The following SH3BGRL2 variants were observed in gnomAD, a reference collection of about 807,000 sequenced individuals.
The protein encoded by SH3BGRL2 is SH3 domain-binding glutamic acid-rich-like protein 2.
In SH3BGRL2, 21 loss-of-function variants were observed where a neutral mutation model predicts 14.8. The observed-to-expected ratio is 1.42, with a 90% CI of 1.01 to 2.05. SH3BGRL2 has a LOEUF of 2.05. Among genes scored for constraint, SH3BGRL2 ranks in the 30% most tolerant of loss-of-function variants. The pLI, the probability that SH3BGRL2 is intolerant of heterozygous loss-of-function variation, is 0.00. For missense variants in SH3BGRL2, 147 were observed against 130.8 expected (o/e 1.12, Z -0.61); for synonymous variants, 50 against 47.8 (o/e 1.05, Z -0.19).
the SH3BGRL2 span, among the ~76,000 whole-genome samples, chr6:79,555,730 G>C: frequency 1.3e-5 from 2 of 152,160 alleles, no homozygotes; most frequent in African/African-American, 4.8e-5. Flanking sequence ...GGATGGTCTC[G>C]ATCTCCTGAC....
At chr6:79,537,836 A>C in the SH3BGRL2 span, among the ~76,000 whole-genome samples, 1 of 152,124 alleles carries the variant, frequency 6.6e-6, no homozygotes, top group African/African-American at 2.4e-5. Context: ...ACAAACTGCT[A>C]GTGCTTCTGG....
the SH3BGRL2 span, among the ~76,000 whole-genome samples, chr6:79,580,361 A>G: frequency 7.9e-5 from 12 of 152,208 alleles, no homozygotes; most frequent in African/African-American, 2.7e-4. Flanking sequence ...ATCACATCGC[A>G]CCTACTCTAA....
At chr6:79,572,377 C>T in the SH3BGRL2 span, among the ~76,000 whole-genome samples, 1 of 152,162 alleles carries the variant, frequency 6.6e-6, no homozygotes, top group Admixed American at 6.5e-5. Flanking sequence ...GCTCCAAATT[C>T]TTTCCAACTC....
At chr6:79,681,155 A>T (rs975004341) in intron 2 of SH3BGRL2, among the ~76,000 whole-genome samples, 1 of 152,164 alleles carries the variant, frequency 6.6e-6, no homozygotes, top group African/African-American at 2.4e-5. Flanking sequence ...GAGAAAAACC[A>T]AGTGGGGTGG....
At chr6:79,666,377 C>T (rs1025996584) in intron 1 of SH3BGRL2, among the ~76,000 whole-genome samples, 1 of 152,188 alleles carries the variant, frequency 6.6e-6, no homozygotes, top group African/African-American at 2.4e-5. Flanking sequence ...CCACCTAGTA[C>T]ACTGAGCTTT....
At chr6:79,682,716 A>G (rs886429431) in intron 2 of SH3BGRL2, among the ~76,000 whole-genome samples, 8 of 152,238 alleles carry the variant, frequency 5.3e-5, no homozygotes, top group Non-Finnish European at 1.2e-4. Context: ...AATATTTTTA[A>G]TAGCAGAACA....
At chr6:79,590,346 T>G in the SH3BGRL2 span, among the ~76,000 whole-genome samples, 1 of 147,966 alleles carries the variant, frequency 6.8e-6, no homozygotes, top group Non-Finnish European at 1.5e-5. Flanking sequence ...TATATGTTCA[T>G]TGCAGCACTA....
the SH3BGRL2 span, among the ~76,000 whole-genome samples, chr6:79,577,383 A>G: frequency 2.6e-5 from 4 of 152,186 alleles, no homozygotes; most frequent in Non-Finnish European, 4.4e-5. Flanking sequence ...ATAAAGGGTT[A>G]AAACCTTAGT....
At chr6:79,675,725 G>C (rs987395629) in intron 2 of SH3BGRL2, among the ~76,000 whole-genome samples, 1 of 151,596 alleles carries the variant, frequency 6.6e-6, no homozygotes, top group Non-Finnish European at 1.5e-5. Context: ...CCCATTTCTT[G>C]CTCTGTGATT....
the SH3BGRL2 span, among the ~76,000 whole-genome samples, chr6:79,572,975 T>C: frequency 6.6e-6 from 1 of 152,236 alleles, no homozygotes; most frequent in African/African-American, 2.4e-5. Context: ...ATGGTGTCTT[T>C]AGATGCACAG....
At chr6:79,626,917 A>G (rs989084703), upstream of SH3BGRL2, among the ~76,000 whole-genome samples, 2 of 152,150 alleles carry the variant, frequency 1.3e-5, no homozygotes, top group African/African-American at 4.8e-5. Context: ...AAGAAAATAG[A>G]CGCACTTAAA....
intron 1 of SH3BGRL2, among the ~76,000 whole-genome samples, chr6:79,651,376 G>C (rs1769291411): frequency 6.6e-6 from 1 of 152,138 alleles, no homozygotes; most frequent in Non-Finnish European, 1.5e-5. Flanking sequence ...CATATTTTAT[G>C]CTTGGCTGAC....
chr6:79,690,110 G>A (rs1770183100), intron 2 of SH3BGRL2, among the ~76,000 whole-genome samples: 1 of 152,088 alleles, frequency 6.6e-6, no homozygotes, highest in Non-Finnish European at 1.5e-5. Flanking sequence ...TCTCACCTCA[G>A]CCTCCCAAGT....
At chr6:79,651,216 C>A (rs1002649891) in intron 1 of SH3BGRL2, among the ~76,000 whole-genome samples, 2 of 152,088 alleles carry the variant, frequency 1.3e-5, no homozygotes, top group African/African-American at 4.8e-5. Context: ...AGCAGGATTT[C>A]CTTCTTACTG....
At chr6:79,615,615 T>A in the SH3BGRL2 span, among the ~76,000 whole-genome samples, 2 of 152,194 alleles carry the variant, frequency 1.3e-5, no homozygotes, top group Non-Finnish European at 2.9e-5. Flanking sequence ...ACCTATAAGA[T>A]GCCTAGCGTA....
At chr6:79,657,224 T>C (rs1329024497) in intron 1 of SH3BGRL2, among the ~76,000 whole-genome samples, 1 of 151,672 alleles carries the variant, frequency 6.6e-6, no homozygotes, top group East Asian at 1.9e-4. Flanking sequence ...TGATATACGC[T>C]TAAGAAGAAC....
the SH3BGRL2 span, among the ~76,000 whole-genome samples, chr6:79,590,989 CTAA>C: frequency 6.6e-6 from 1 of 152,020 alleles, no homozygotes; most frequent in Non-Finnish European, 1.5e-5. Flanking sequence ...TAACTATTTC[CTAA>C]TAATAACATC....
the SH3BGRL2 span, among the ~76,000 whole-genome samples, chr6:79,560,843 T>C: frequency 7.3e-6 from 1 of 136,948 alleles, no homozygotes; most frequent in South Asian, 2.4e-4. Context: ...GTGGAAGAAA[T>C]AAAATTAATG....
the SH3BGRL2 span, among the ~76,000 whole-genome samples, chr6:79,620,480 G>A: frequency 2.0e-5 from 3 of 152,068 alleles, no homozygotes. Flanking sequence ...AATTAACCAT[G>A]CTCTCAATAT....
Sources: allele counts gnomAD v4.1 joint callset (sites outside exome capture counted in the v4.1 genomes callset), GRCh38; gene constraint gnomAD v4.1.1; transcripts MANE v1.5; gene names NCBI Gene and HGNC (gene_info 2026-07-23, HGNC 2026-07-21).